DNM2: variants seen among roughly 807,000 people sequenced by gnomAD.
DNM2 encodes the protein dynamin 2.
In DNM2, 15 loss-of-function variants were observed where a neutral mutation model predicts 99.0. The ratio of observed to expected loss-of-function variants is 0.15; its 90% confidence interval spans 0.10 to 0.23. The LOEUF is 0.23. Ranked by LOEUF, DNM2 falls within the 10% of genes least tolerant of loss-of-function variation. The pLI is 1.00. For synonymous variants in DNM2, 525 were observed against 481.2 expected, an observed-to-expected ratio of 1.09 and a Z score of -1.19; for missense variants, 742 against 1,189.4, an observed-to-expected ratio of 0.62 and a Z score of 5.53.
At chr19:10,742,576 C>A (rs2069793624) in intron 1 of DNM2, among the ~76,000 whole-genome samples, 1 of 152,198 alleles carries the variant, frequency 6.6e-6, no homozygotes, top group Non-Finnish European at 1.5e-5. Flanking sequence ...AGAGTCTTCA[C>A]CCAATGATCT....
At position 10,722,768 on chromosome 19, in the gene DNM2, C is replaced by T. The variant is rs548588866; in HGVS notation, c.161+4365C>T. ...TCAGCCTCCTAAGTAGCTGGGACTA[C>T]AGGCACGTGCCACCACGCTTGGCTA... On this transcript the variant is annotated intron_variant, in intron 1 of 20. Transcript: ENST00000389253. Among the ~76,000 whole-genome samples, 5 of 152,208 alleles carry T rather than the reference C, an allele frequency of 3.3e-5. No individual in the cohort carries two copies. The South Asian group carries it at 1.0e-3, about 32-fold the overall frequency.
Position 10,775,225 on chromosome 19 carries a change from G to A in DNM2, c.386-478G>A, listed in dbSNP as rs1403622699. Among the ~76,000 whole-genome samples the A allele has an allele frequency of 6.6e-6, 1 of 152,132 alleles. No individual in the cohort carries two copies. Among genetic ancestry groups the A allele is most frequent in the Non-Finnish European group, 1.5e-5 (1 of 68,038 alleles). On this transcript the variant is annotated intron_variant, in intron 3 of 20. Coordinates refer to ENST00000389253, the MANE Select transcript of DNM2 (RefSeq NM_001005361.3). The surrounding 1 kb of genome is among the most constrained non-coding windows in gnomAD (Gnocchi z 4.3). ...GCCTCCAGAGTAGCTGGGAGTACAA[G>A]TGTGTGCTACCACGCCCAGCTAATT...
rs188506950 is a variant in DNM2, at chr19:10,763,861, G to A, written c.235+4050G>A. 4.3e-4 allele frequency among the ~76,000 whole-genome samples: 65 copies of A among 152,304 alleles called. 2 individuals carry two copies. In the Middle Eastern group the frequency reaches 0.014, roughly 32 times the overall value. ...ACAGTCAGGGACCAGAATGCAAGCG[G>A]GGAGTGGGGGATAGGGAGTGGCAGA... is the stretch of plus-strand genomic sequence containing the variant. On this transcript the variant is annotated intron_variant, in intron 2 of 20. Transcript: ENST00000389253.
At chr19:10,766,529 G>A (rs1190739506) in intron 2 of DNM2, among the ~76,000 whole-genome samples, 1 of 152,100 alleles carries the variant, frequency 6.6e-6, no homozygotes, top group Admixed American at 6.6e-5. Context: ...GCCCCAGTTG[G>A]GGGTTCCTGG....
chr19:10,786,494 G>A, intron 6 of DNM2, 70 bp from the exon 7 acceptor site: 1 of 1,609,268 alleles, frequency 6.2e-7, no homozygotes, highest in Non-Finnish European at 8.5e-7. Flanking sequence ...TTGGTTGGGG[G>A]GAGTGTGTCT....
Position 10,765,381 on chromosome 19 carries a change from A to C in DNM2, c.235+5570A>C, listed in dbSNP as rs934142632. Among the ~76,000 whole-genome samples, 8 of 152,246 alleles carry C rather than the reference A, an allele frequency of 5.3e-5. No individual in the cohort carries two copies. Among genetic ancestry groups the C allele is most frequent in the Admixed American group, 3.3e-4 (5 of 15,280 alleles). On this transcript the variant is annotated intron_variant, in intron 2 of 20. Transcript: ENST00000389253. This position sits in a 1 kb window ranked among gnomAD's most constrained non-coding sequence, Gnocchi z 4.4. Reference sequence around the variant, plus strand: ...CATGCACGGCCGAGTGAACGAGCTCAAAGGGCTGGTGCTGTGCCCCTTCTT... The same window carrying C: ...CATGCACGGCCGAGTGAACGAGCTCCAAGGGCTGGTGCTGTGCCCCTTCTT...
intron 13 of DNM2, 120 bp from the exon 14 acceptor site, chr19:10,808,449 T>C: frequency 9.0e-7 from 1 of 1,107,586 alleles, no homozygotes; most frequent in South Asian, 1.6e-5. Flanking sequence ...CCTGCTCTTC[T>C]CTTCTCCTGT....
chr19:10,757,150 C>G (rs1400577224), intron 1 of DNM2, among the ~76,000 whole-genome samples: 2 of 152,212 alleles, frequency 1.3e-5, no homozygotes, highest in African/African-American at 4.8e-5. Context: ...AACTTCAGCC[C>G]TGCTCTGCCA....
chr19:10,824,691 T>C lies in DNM2; in HGVS notation c.1894-366T>C, dbSNP rs2073086523. On this transcript the variant is annotated intron_variant, in intron 17 of 20. Transcript: ENST00000389253. ...GGTGGCGCACCCCTGTAATCCCATC[T>C]ACTCCAGGGCGCTGAGGTGGGAGGA... The C allele has an allele frequency of 2.5e-5, 8 of 324,142 alleles. No homozygotes were observed. The South Asian group carries it at 2.5e-4, about 10-fold the overall frequency. The allele number at this position is 324,142 out of a possible 1,614,324, so 20.1% of individuals were successfully genotyped here. A position where few individuals can be genotyped will look rare whatever the true frequency, so the allele number is the denominator to read the frequency against.
chr19:10,796,120 A>G lies in DNM2; in HGVS notation c.1196+681A>G, dbSNP rs931176769. ...GCCATTGTGAAAAAGCAGGTCGTCA[A>G]GCTGAAAGAGCCCTGTCTGAAATGT... On this transcript the variant is annotated intron_variant, in intron 9 of 20. Transcript: ENST00000389253. The surrounding 1 kb of genome is among the most constrained non-coding windows in gnomAD (Gnocchi z 5.6). The G allele has an allele frequency of 6.2e-7, 1 of 1,614,186 alleles. No individual in the cohort carries two copies. Among genetic ancestry groups the G allele is most frequent in the Non-Finnish European group, 8.5e-7 (1 of 1,180,030 alleles).
intron 19 of DNM2, among the ~76,000 whole-genome samples, chr19:10,829,493 C>T (rs921812065): frequency 7.9e-5 from 12 of 152,272 alleles, no homozygotes; most frequent in African/African-American, 2.4e-4. Flanking sequence ...GAATAAATAC[C>T]CCGCCTGCCC....
intron 1 of DNM2, among the ~76,000 whole-genome samples, chr19:10,748,011 C>T (rs2070053820): frequency 6.6e-6 from 1 of 151,990 alleles, no homozygotes; most frequent in Admixed American, 6.6e-5. Context: ...ATGGAGGAGG[C>T]ATATGTGGCT....
chr19:10,778,390 G>A (rs12977024), intron 5 of DNM2, among the ~76,000 whole-genome samples: 143,188 of 151,826 alleles, frequency 0.94, 67,697 homozygotes, highest in East Asian at 1. Context: ...GGTGGCTCAC[G>A]CCTGTAATCT....
intron 5 of DNM2, among the ~76,000 whole-genome samples, chr19:10,781,018 T>TAAA (rs5827115): frequency 1.1e-3 from 123 of 114,404 alleles, no homozygotes; most frequent in Middle Eastern, 4.9e-3. Flanking sequence ...ACTCTGTCTT[T>TAAA]AAAAAAAAAA....
At chr19:10,782,368 C>A (rs114247829) in intron 5 of DNM2, among the ~76,000 whole-genome samples, 1 of 4,426 alleles carries the variant, frequency 2.3e-4, no homozygotes, top group African/African-American at 5.6e-4. Context: ...TTCTTTTTCT[C>A]TTTCTTTTTA....
In DNM2 at chr19:10,795,979, C is replaced by G; in HGVS notation, c.1196+540C>G. The G allele has an allele frequency of 6.2e-7, 1 of 1,603,068 alleles. No homozygotes were observed. Among genetic ancestry groups the G allele is most frequent in the Admixed American group, 1.7e-5 (1 of 59,996 alleles). On this transcript the variant is annotated intron_variant, in intron 9 of 20. Transcript: ENST00000389253. This position sits in a 1 kb window ranked among gnomAD's most constrained non-coding sequence, Gnocchi z 4.2. ...CAACCTTCATTCCTTGTTGGGGACC[C>G]GGCCAGGGCCAATGAAATTGCTGAC...
At position 10,816,862 on chromosome 19, in the gene DNM2, T is replaced by C. The variant is rs1208336175; in HGVS notation, c.1672-3118T>C. Among the ~76,000 whole-genome samples, 1 of 152,202 alleles carries C rather than the reference T, an allele frequency of 6.6e-6. No individual in the cohort carries two copies. Among genetic ancestry groups the C allele is most frequent in the Non-Finnish European group, 1.5e-5 (1 of 68,030 alleles). On this transcript the variant is annotated intron_variant, in intron 15 of 20. Transcript: ENST00000389253. The surrounding 1 kb of genome is among the most constrained non-coding windows in gnomAD (Gnocchi z 4.6). ...CTTCACGTGAGGGGCCCTTCGTGTTTTTCTCATCTGAGAGTTGAAAGCCAG... is the reference window on the plus strand; with the variant it reads ...CTTCACGTGAGGGGCCCTTCGTGTTCTTCTCATCTGAGAGTTGAAAGCCAG...
In DNM2 at chr19:10,830,777, G is replaced by T. The variant is rs180734654; in HGVS notation, c.2544-201G>T. ...AGCTGAGGCCCAGGGAGGGCAGGGGGCTCACTGAGGGTCAAACAGCAGGCG... is the reference window on the plus strand; with the variant it reads ...AGCTGAGGCCCAGGGAGGGCAGGGGTCTCACTGAGGGTCAAACAGCAGGCG... On this transcript the variant is annotated intron_variant, in intron 20 of 20. Coordinates refer to ENST00000389253, the MANE Select transcript of DNM2 (RefSeq NM_001005361.3). The surrounding 1 kb of genome is among the most constrained non-coding windows in gnomAD (Gnocchi z 4.8). 6.6e-6 allele frequency among the ~76,000 whole-genome samples: 1 copy of T among 152,130 alleles called. No homozygotes were observed. Among genetic ancestry groups the T allele is most frequent in the Non-Finnish European group, 1.5e-5 (1 of 67,988 alleles).
intron 1 of DNM2, among the ~76,000 whole-genome samples, chr19:10,758,431 C>CCCTCCCTCCT (rs2070488464): frequency 4.2e-5 from 1 of 23,998 alleles, no homozygotes; most frequent in Non-Finnish European, 7.6e-5. Flanking sequence ...CCCTCCTTCC[C>CCCTCCCTCCT]TCCCTCCCTC....
Sources: gnomAD v4.1 joint callset for allele counts (sites outside exome capture counted in the v4.1 genomes callset) on GRCh38, gnomAD v4.1.1 for gene constraint, Gnocchi (gnomAD v3.1) non-coding constraint, MANE v1.5 for transcripts, NCBI Gene and HGNC (gene_info 2026-07-23, HGNC 2026-07-21) for gene names.